The following ADGRV1 variants were observed in gnomAD, a reference collection of about 807,000 sequenced individuals.
ADGRV1 encodes the protein G-protein coupled receptor 98.
A neutral mutation model predicts 596.2 loss-of-function variants in ADGRV1; 359 were observed. The ratio of observed to expected loss-of-function variants is 0.60; its 90% CI spans 0.55 to 0.66. The LOEUF is 0.66. Ranked by LOEUF, ADGRV1 falls within the 30% of genes least tolerant of loss-of-function variation. The probability of loss-of-function intolerance (pLI) is 0.00; values close to 1 mark genes in which losing one functional copy is unlikely to be tolerated. For synonymous variants in ADGRV1, 2,681 were observed against 2,679.2 expected, an observed-to-expected ratio of 1.00 and a Z score of -0.02; for missense variants, 7,274 against 7,575.6, an observed-to-expected ratio of 0.96 and a Z score of 1.48.
At chr5:91,131,021 G>A (rs1310634684) in intron 87 of ADGRV1, among the ~76,000 whole-genome samples, 1 of 152,210 alleles carries the variant, frequency 6.6e-6, no homozygotes, top group Non-Finnish European at 1.5e-5. Flanking sequence ...ATCCACCATT[G>A]ATGGGAACCT....
chr5:91,162,528 G>C (rs1263599230), intron 89 of ADGRV1, among the ~76,000 whole-genome samples: 1 of 152,138 alleles, frequency 6.6e-6, no homozygotes, highest in Non-Finnish European at 1.5e-5. Context: ...CCTTGAGACA[G>C]GGCAGAAAAC....
At chr5:90,598,448 A>G (rs143978922) in intron 1 of ADGRV1, among the ~76,000 whole-genome samples, 15 of 152,358 alleles carry the variant, frequency 9.8e-5, no homozygotes, top group African/African-American at 3.6e-4. Flanking sequence ...AGATAGCACT[A>G]AAGAAATGGC....
At chr5:90,721,652 T>TG (rs5869514) in intron 45 of ADGRV1, among the ~76,000 whole-genome samples, 70,705 of 131,884 alleles carry the variant, frequency 0.54, 21,117 homozygotes, top group East Asian at 0.81. Context: ...ATTTAGGGGA[T>TG]GGGGGTGACA....
At chr5:90,758,990 A>G (rs1212412960) in intron 57 of ADGRV1, among the ~76,000 whole-genome samples, 1 of 152,194 alleles carries the variant, frequency 6.6e-6, no homozygotes, top group East Asian at 1.9e-4. Context: ...TAATATTAAT[A>G]CCAAGCATAC....
intron 68 of ADGRV1, among the ~76,000 whole-genome samples, chr5:90,789,230 C>T (rs1309699643): frequency 2.0e-5 from 3 of 152,110 alleles, no homozygotes; most frequent in Non-Finnish European, 4.4e-5. Flanking sequence ...ATCATATCTC[C>T]AAAATACCTT....
intron 87 of ADGRV1, 22 bp from the exon 88 acceptor site, chr5:91,150,008 T>C (rs1387557326): frequency 2.3e-5 from 32 of 1,405,108 alleles, no homozygotes; most frequent in Non-Finnish European, 2.9e-5. Context: ...TCTTTTCTTT[T>C]CTTTTTTTTT....
chr5:90,836,085 A>C (rs750777512), intron 77 of ADGRV1, among the ~76,000 whole-genome samples: 3 of 152,204 alleles, frequency 2.0e-5, no homozygotes, highest in Non-Finnish European at 2.9e-5. Flanking sequence ...TGACAATACC[A>C]AATGCTGGTG....
intron 1 of ADGRV1, among the ~76,000 whole-genome samples, chr5:90,608,289 T>TA (rs1367079021): frequency 6.6e-6 from 1 of 152,062 alleles, no homozygotes; most frequent in Non-Finnish European, 1.5e-5. Flanking sequence ...TTTGTCCGTT[T>TA]GAAGGTTATG....
intron 87 of ADGRV1, among the ~76,000 whole-genome samples, chr5:91,140,493 AT>A (rs936565271): frequency 6.6e-6 from 1 of 152,146 alleles, no homozygotes; most frequent in African/African-American, 2.4e-5. Flanking sequence ...TATTTTTGTA[AT>A]TTTTTAAAAA....
chr5:90,988,385 A>G (rs564591986), intron 85 of ADGRV1, among the ~76,000 whole-genome samples: 1 of 152,242 alleles, frequency 6.6e-6, no homozygotes, highest in African/African-American at 2.4e-5. Context: ...CCAAAATTTT[A>G]CCAAATTTAT....
At chr5:90,826,614 G>A (rs754036677) in intron 76 of ADGRV1, among the ~76,000 whole-genome samples, 4 of 152,134 alleles carry the variant, frequency 2.6e-5, no homozygotes, top group Admixed American at 6.6e-5. Context: ...AAGAGATGGT[G>A]AGTATTGAGA....
intron 85 of ADGRV1, among the ~76,000 whole-genome samples, chr5:91,035,881 A>ATATATATATATATATC (rs1784871926): frequency 7.8e-6 from 1 of 128,600 alleles, no homozygotes; most frequent in African/African-American, 2.8e-5. Context: ...ATATATATAT[A>ATATATATATATATATC]TCTTACAACA....
chr5:90,785,880 ACCCAGCCAT>A, intron 67 of ADGRV1, among the ~76,000 whole-genome samples: 1 of 152,292 alleles, frequency 6.6e-6, no homozygotes, highest in South Asian at 2.1e-4. Context: ...ATACCATTTG[ACCCAGCCAT>A]CCCATTACTG....
At chr5:91,088,715 T>C (rs1025793302) in intron 86 of ADGRV1, among the ~76,000 whole-genome samples, 3 of 152,168 alleles carry the variant, frequency 2.0e-5, no homozygotes, top group Admixed American at 6.5e-5. Context: ...TATTTGCTAA[T>C]AATATCAGAC....
chr5:91,004,909 G>A (rs1782149925), intron 85 of ADGRV1, among the ~76,000 whole-genome samples: 1 of 152,078 alleles, frequency 6.6e-6, no homozygotes, highest in Non-Finnish European at 1.5e-5. Flanking sequence ...CAAAAAGGAG[G>A]CCTGGAGAAT....
chr5:90,961,644 A>T (rs189068750), intron 83 of ADGRV1, among the ~76,000 whole-genome samples: 4 of 152,168 alleles, frequency 2.6e-5, no homozygotes, highest in African/African-American at 9.6e-5. Context: ...ATTTATCATT[A>T]GTTGTTATTT....
intron 83 of ADGRV1, among the ~76,000 whole-genome samples, chr5:90,869,841 A>G (rs560542648): frequency 6.6e-6 from 1 of 152,310 alleles, no homozygotes; most frequent in East Asian, 1.9e-4. Flanking sequence ...ATTACTTGCC[A>G]TAGGTCACAT....
chr5:91,047,252 C>G (rs1785912560), intron 85 of ADGRV1, among the ~76,000 whole-genome samples: 1 of 152,052 alleles, frequency 6.6e-6, no homozygotes, highest in Non-Finnish European at 1.5e-5. Flanking sequence ...CTTTATTTTT[C>G]CATAATTTTT....
At chr5:90,822,975 A>T (rs1479566541) in intron 75 of ADGRV1, among the ~76,000 whole-genome samples, 1 of 152,040 alleles carries the variant, frequency 6.6e-6, no homozygotes, top group Admixed American at 6.6e-5. Flanking sequence ...CTGTACATTG[A>T]TTTTGTATCC....
Sources: gnomAD v4.1 joint callset for allele counts (sites outside exome capture counted in the v4.1 genomes callset) on GRCh38, gnomAD v4.1.1 for gene constraint, MANE v1.5 for transcripts, NCBI Gene and HGNC (gene_info 2026-07-23, HGNC 2026-07-21) for gene names.